The following COMMD10 variants were observed in gnomAD, a reference collection of about 807,000 sequenced individuals.
COMMD10 encodes COMM domain containing 10, also known as COMM domain-containing protein 10.
In COMMD10, 33 loss-of-function variants were observed where a neutral mutation model predicts 28.9. That is an observed-to-expected ratio of 1.14 (90% CI 0.87 to 1.53). The LOEUF is 1.53. Ranked by LOEUF, COMMD10 falls within the 40% of genes most tolerant of loss-of-function variation. COMMD10 has a pLI of 0.00. For synonymous variants in COMMD10, 110 were observed against 81.7 expected, an observed-to-expected ratio of 1.35 and a Z score of -1.87; for missense variants, 310 against 233.4, an observed-to-expected ratio of 1.33 and a Z score of -2.14.
intron 5 of COMMD10, among the ~76,000 whole-genome samples, chr5:116,225,098 A>G (rs1580562866): frequency 6.6e-6 from 1 of 151,994 alleles, no homozygotes; most frequent in African/African-American, 2.4e-5. Flanking sequence ...CATTTGGTGA[A>G]TATTTTATTT....
At chr5:116,117,823 G>T (rs1751290782) in intron 4 of COMMD10, among the ~76,000 whole-genome samples, 1 of 152,226 alleles carries the variant, frequency 6.6e-6, no homozygotes, top group African/African-American at 2.4e-5. Flanking sequence ...GTTTTGTATA[G>T]AGATTATATA....
At chr5:116,221,769 C>T (rs1489927861) in intron 5 of COMMD10, among the ~76,000 whole-genome samples, 1 of 152,132 alleles carries the variant, frequency 6.6e-6, no homozygotes, top group Non-Finnish European at 1.5e-5. Context: ...TTCTAGCCAC[C>T]ATTCTTTATT....
intron 5 of COMMD10, among the ~76,000 whole-genome samples, chr5:116,281,224 G>A (rs1434059211): frequency 6.6e-6 from 1 of 151,612 alleles, no homozygotes; most frequent in Admixed American, 6.6e-5. Flanking sequence ...ATGTATATGT[G>A]TTCCTAATTC....
At chr5:116,134,880 C>G (rs1751980469) in intron 5 of COMMD10, among the ~76,000 whole-genome samples, 1 of 152,168 alleles carries the variant, frequency 6.6e-6, no homozygotes, top group African/African-American at 2.4e-5. Flanking sequence ...CTCAGCCTCC[C>G]AAAGTGCTGG....
chr5:116,116,411 C>T (rs1044322781), intron 4 of COMMD10, among the ~76,000 whole-genome samples: 18 of 152,170 alleles, frequency 1.2e-4, no homozygotes, highest in Admixed American at 1.2e-3. Flanking sequence ...CTTTATGCAG[C>T]TAAAGCTTGA....
chr5:116,207,620 G>T (rs1236568005), intron 5 of COMMD10, among the ~76,000 whole-genome samples: 1 of 152,124 alleles, frequency 6.6e-6, no homozygotes, highest in Non-Finnish European at 1.5e-5. Context: ...CCGCCTCCTG[G>T]GTTCAAGCGA....
At chr5:116,196,029 T>C (rs1748509544) in intron 5 of COMMD10, among the ~76,000 whole-genome samples, 1 of 152,162 alleles carries the variant, frequency 6.6e-6, no homozygotes, top group African/African-American at 2.4e-5. Context: ...AGTGTGGAGA[T>C]TTCTTAAGGA....
chr5:116,094,240 C>T (rs1483274228), intron 4 of COMMD10, among the ~76,000 whole-genome samples: 1 of 152,122 alleles, frequency 6.6e-6, no homozygotes, highest in African/African-American at 2.4e-5. Context: ...CACAACCTGA[C>T]AAATGGGATA....
intron 5 of COMMD10, among the ~76,000 whole-genome samples, chr5:116,167,561 A>T (rs375055335): frequency 2.0e-5 from 3 of 152,172 alleles, no homozygotes; most frequent in African/African-American, 7.2e-5. Context: ...ACCAAGGTGG[A>T]CATGACGGAA....
intron 5 of COMMD10, among the ~76,000 whole-genome samples, chr5:116,179,520 A>G (rs1310502698): frequency 2.0e-5 from 3 of 152,110 alleles, no homozygotes; most frequent in Non-Finnish European, 4.4e-5. Flanking sequence ...GGTTATGGGT[A>G]GGTGGTGGGG....
intron 4 of COMMD10, among the ~76,000 whole-genome samples, chr5:116,106,263 A>C (rs1032129231): frequency 2.0e-5 from 3 of 152,026 alleles, no homozygotes; most frequent in African/African-American, 7.3e-5. Flanking sequence ...ATTCAGCGGC[A>C]GGTTGTTCAG....
At chr5:116,272,111 C>A (rs573615002) in intron 5 of COMMD10, among the ~76,000 whole-genome samples, 5 of 151,898 alleles carry the variant, frequency 3.3e-5, no homozygotes, top group Admixed American at 6.6e-5. Flanking sequence ...AACATAGGCT[C>A]CATTAAGGTC....
At chr5:116,102,257 C>G (rs1750691267) in intron 4 of COMMD10, among the ~76,000 whole-genome samples, 1 of 152,088 alleles carries the variant, frequency 6.6e-6, no homozygotes, top group Non-Finnish European at 1.5e-5. Context: ...GGGGTCTAGT[C>G]TCATTCTTCT....
At position 116,216,263 on chromosome 5, in the gene COMMD10, C is replaced by A. The variant is rs149742037; in HGVS notation, c.511-75254C>A. 2.7e-3 allele frequency among the ~76,000 whole-genome samples: 406 copies of A among 152,216 alleles called. 1 individual carries two copies. The highest frequency in any genetic ancestry group is 4.4e-3 in the Non-Finnish European group (301 of 67,994). ...CAGACGCAAATTAATCAGAAAATTT[C>A]TCATTGAGGAAGATTGAGTTTTTAA... On this transcript the variant is annotated intron_variant, in intron 5 of 6. Transcript: ENST00000274458.
intron 5 of COMMD10, among the ~76,000 whole-genome samples, chr5:116,196,062 G>T (rs1748510582): frequency 6.6e-6 from 1 of 152,172 alleles, no homozygotes; most frequent in African/African-American, 2.4e-5. Flanking sequence ...ACTACCATTT[G>T]ATCCAGCAAT....
rs1430104921 is a variant in COMMD10, at chr5:116,272,121, C to T, written c.511-19396C>T. On this transcript the variant is annotated intron_variant, in intron 5 of 6. Coordinates refer to ENST00000274458, the MANE Select transcript of COMMD10 (RefSeq NM_016144.4). ...TTCTCAACATAGGCTCCATTAAGGT[C>T]GAGACACTTTTCTAAGCGATAATAC... Among the ~76,000 whole-genome samples the T allele has an allele frequency of 6.6e-5, 10 of 151,728 alleles. No individual in the cohort carries two copies. The East Asian group carries it at 1.5e-3, about 23-fold the overall frequency.
At chr5:116,087,673 A>C in intron 2 of COMMD10, 86 bp downstream of exon 2, 1 of 884,468 alleles carries the variant, frequency 1.1e-6, no homozygotes, top group East Asian at 2.5e-5. Flanking sequence ...TTTGCAAAGC[A>C]TAGTGTTCTC....
At chr5:116,258,289 C>T (rs1750345818) in intron 5 of COMMD10, among the ~76,000 whole-genome samples, 1 of 151,694 alleles carries the variant, frequency 6.6e-6, no homozygotes. Context: ...ATCTGTAGCA[C>T]ACTTACTCTC....
chr5:116,253,739 G>GAT (rs1750192906), intron 5 of COMMD10, among the ~76,000 whole-genome samples: 2 of 148,936 alleles, frequency 1.3e-5, no homozygotes, highest in Non-Finnish European at 3.0e-5. Flanking sequence ...GTTCATCAAG[G>GAT]ATATTGGTCT....
Sources: allele counts gnomAD v4.1 joint callset (sites outside exome capture counted in the v4.1 genomes callset), GRCh38; gene constraint gnomAD v4.1.1; transcripts MANE v1.5; gene names NCBI Gene and HGNC (gene_info 2026-07-23, HGNC 2026-07-21).